Variants in UTP15 observed in about 807,000 individuals in gnomAD.
The protein encoded by UTP15 is U3 small nucleolar RNA-associated protein 15 homolog.
UTP15 carries 5 observed loss-of-function variants against 59.1 expected under a neutral mutation model. The observed-to-expected ratio is 0.08, with a 90% CI of 0.04 to 0.18. The LOEUF is 0.18. Ranked by LOEUF, UTP15 falls within the 10% of genes least tolerant of loss-of-function variation. The probability of loss-of-function intolerance (pLI) is 1.00; values close to 1 mark genes in which losing one functional copy is unlikely to be tolerated. For missense variants in UTP15, 494 were observed against 616.7 expected (o/e 0.80, Z 2.11); for synonymous variants, 211 against 212.2 (o/e 0.99, Z 0.05).
At chr5:73,576,595 T>C (rs1022700151) in intron 7 of UTP15, among the ~76,000 whole-genome samples, 1 of 151,894 alleles carries the variant, frequency 6.6e-6, no homozygotes, top group Non-Finnish European at 1.5e-5. Flanking sequence ...CTGCCTCAGC[T>C]TCCCAAGTAG....
intron 8 of UTP15, 42 bp from the exon 9 acceptor site, chr5:73,577,814 C>T (rs750118152): frequency 2.6e-5 from 40 of 1,510,672 alleles, no homozygotes; most frequent in South Asian, 6.2e-5. Context: ...CTATAAATTA[C>T]GAGTTAAGAA....
At chr5:73,579,624 G>A (rs1020672376) in intron 12 of UTP15, among the ~76,000 whole-genome samples, 1 of 152,010 alleles carries the variant, frequency 6.6e-6, no homozygotes, top group African/African-American at 2.4e-5. Flanking sequence ...TAATGACGAT[G>A]ACAATTTTTC....
At position 73,568,578 on chromosome 5, in the gene UTP15, C is replaced by T. The variant is rs112684902; in HGVS notation, c.342C>T (p.Pro114=). Residue 114 remains proline, a synonymous_variant, in exon 4 of 13, where the codon CCC becomes CCT. Transcript: ENST00000296792. ...VQLFDISGRA[P]LRQFEGHTKA... The stretch of plus-strand genomic sequence containing the variant: ...TTTTTGATATAAGTGGGAGGGCTCC[C>T]CTCAGGCAGTTTGAAGGCCATACAA... 6.2e-7 allele frequency: 1 copy of T among 1,613,470 alleles called. No homozygotes were observed. Among genetic ancestry groups the T allele is most frequent in the Non-Finnish European group, 8.5e-7 (1 of 1,179,790 alleles).
intron 7 of UTP15, 29 bp downstream of exon 7, chr5:73,572,653 T>G: frequency 6.2e-7 from 1 of 1,604,426 alleles, no homozygotes; most frequent in Admixed American, 1.7e-5. Context: ...TTGTATATTA[T>G]TATTAGTGTA....
rs1421002065 is a variant in UTP15 at position 73,570,691 on chromosome 5, G to T, written c.653G>T (p.Gly218Val). 1.2e-6 allele frequency: 2 copies of T among 1,614,154 alleles called. No individual in the cohort carries two copies. The highest frequency in any genetic ancestry group is 1.7e-6 in the Non-Finnish European group (2 of 1,180,016). Residue 218 changes from glycine to valine, a missense_variant, in exon 6 of 13, where the codon GGA becomes GTA. Coordinates refer to ENST00000296792, the MANE Select transcript of UTP15 (RefSeq NM_032175.4). The stretch of plus-strand genomic sequence containing the variant: ...GAGAGTGTCCTACTTTTCCCCTCTG[G>T]AGGTCTTCTGGTGTCAGCAGGTACT... ...PVESVLLFPSGGLLVSAGGRY... is the reference protein window; with the variant it reads ...PVESVLLFPSVGLLVSAGGRY...
rs1416083792 is a variant in UTP15 at position 73,579,332 on chromosome 5, A to C, written c.1296A>C (p.Pro432=). Residue 432 remains proline (P), a synonymous_variant, in exon 12 of 13, where the codon CCA becomes CCC. Coordinates refer to ENST00000296792, the MANE Select transcript of UTP15 (RefSeq NM_032175.4). ...LNFLIRNLSQ[P]RFAPVLINAA... is the part of the protein sequence containing the mutation. The stretch of plus-strand genomic sequence containing the variant: ...TACTTTGTAGGAATCTTTCTCAGCC[A>C]AGATTTGCCCCTGTTTTAATCAATG... 6.2e-6 allele frequency: 10 copies of C among 1,609,896 alleles called. No homozygotes were observed. The highest frequency in any genetic ancestry group is 8.5e-6 in the Non-Finnish European group (10 of 1,178,732).
At chr5:73,567,517 C>A in intron 2 of UTP15, 83 bp downstream of exon 2, 1 of 977,578 alleles carries the variant, frequency 1.0e-6, no homozygotes, top group Non-Finnish European at 1.5e-6. Context: ...GATGCTCTAA[C>A]AGAGAATTAT....
At chr5:73,575,068 A>G (rs892808130) in intron 7 of UTP15, among the ~76,000 whole-genome samples, 1 of 149,992 alleles carries the variant, frequency 6.7e-6, no homozygotes, top group African/African-American at 2.5e-5. Flanking sequence ...AAAATTCTGT[A>G]TTGTTTATAT....
chr5:73,568,461 C>G lies in UTP15; in HGVS notation c.225C>G (p.Thr75=). The G allele has an allele frequency of 6.2e-7, 1 of 1,613,272 alleles. No homozygotes were observed. Among genetic ancestry groups the G allele is most frequent in the Non-Finnish European group, 8.5e-7 (1 of 1,179,638 alleles). The change falls in exon 4 of 13, where the codon ACC becomes ACG. Residue 75 remains threonine, a synonymous_variant. Transcript: ENST00000296792. ...YGRYSQEPIK[T]FSRFKDTAYC... The stretch of plus-strand genomic sequence containing the variant: ...GATACTCCCAAGAACCTATAAAAAC[C>G]TTTTCTCGATTTAAAGACACAGCAT...
At chr5:73,570,816 C>CT in intron 6 of UTP15, 105 bp downstream of exon 6, 1 of 1,478,574 alleles carries the variant, frequency 6.8e-7, no homozygotes. Flanking sequence ...AATTGCATAT[C>CT]TAAGTCTTTG....
chr5:73,579,833 G>A (rs1748243911), intron 12 of UTP15, 44 bp from the exon 13 acceptor site: 1 of 1,371,828 alleles, frequency 7.3e-7, no homozygotes, highest in East Asian at 2.4e-5. Flanking sequence ...CTTAATGTAT[G>A]GAAAGATATT....
At position 73,565,766 on chromosome 5, in the gene UTP15, G is replaced by A. The variant is rs1207995273; in HGVS notation, c.-230G>A. On this transcript the variant is annotated 5_prime_UTR_variant, in exon 1 of 13. Coordinates refer to ENST00000296792, the MANE Select transcript of UTP15 (RefSeq NM_032175.4). ...GTACGTCATCTTCGCGCGACGTTCG[G>A]TTCGCTGTGTGTGTCGCCGGCTCCT... 1.1e-5 allele frequency: 5 copies of A among 456,290 alleles called. No homozygotes were observed. The highest frequency in any genetic ancestry group is 7.7e-5 in the South Asian group (5 of 64,570). 28.3% of individuals were successfully genotyped at this position (456,290 alleles called of 1,614,324 possible).
At chr5:73,572,362 G>C (rs1463027209) in intron 6 of UTP15, 127 bp from the exon 7 acceptor site, 4 of 1,223,746 alleles carry the variant, frequency 3.3e-6, no homozygotes, top group Non-Finnish European at 4.6e-6. Flanking sequence ...TTACCAGGCA[G>C]CCTGGCCTGG....
Position 73,580,003 on chromosome 5 carries a change from T to C in UTP15, c.1466T>C (p.Met489Thr). The C allele has an allele frequency of 6.2e-7, 1 of 1,613,930 alleles. No homozygotes were observed. Among genetic ancestry groups the C allele is most frequent in the Non-Finnish European group, 8.5e-7 (1 of 1,179,858 alleles). The change falls in exon 13 of 13, where the codon ATG becomes ACG. Residue 489 changes from methionine (M) to threonine (T), a missense_variant. Transcript: ENST00000296792. ...TTAGAAACCTTGGGGATGATGGATA[T>C]GCTTTTTGCCACCATGAGAAGGAAG... ...ELLETLGMMD[M>T]LFATMRRKEG...
In UTP15 at chr5:73,582,864, T is replaced by C. The variant is rs1196039917; in HGVS notation, c.*2770T>C. The C allele has an allele frequency of 6.6e-6, 1 of 152,246 alleles. No individual in the cohort carries two copies. The highest frequency in any genetic ancestry group is 1.5e-5 in the Non-Finnish European group (1 of 68,052). The allele number at this position is 152,246 out of a possible 1,614,324, so 9.4% of individuals were successfully genotyped here. A position where few individuals can be genotyped will look rare whatever the true frequency, so the allele number is the denominator to read the frequency against. ...AGGTATTTTAAAATGTTACTAAGTC[T>C]GCAAAAGTACTGAAATGTTTCAGAG... On this transcript the variant is annotated 3_prime_UTR_variant, in exon 13 of 13. Transcript: ENST00000296792.
intron 12 of UTP15, 21 bp from the exon 13 acceptor site, chr5:73,579,856 G>C: frequency 6.5e-7 from 1 of 1,531,760 alleles, no homozygotes; most frequent in Non-Finnish European, 8.8e-7. Context: ...TAGTTAATGT[G>C]TTTTCTTTCT....
chr5:73,566,940 G>C (rs574624259), intron 1 of UTP15, among the ~76,000 whole-genome samples: 1 of 152,242 alleles, frequency 6.6e-6, no homozygotes, highest in East Asian at 1.9e-4. Flanking sequence ...AATATTTCCT[G>C]TTGCCAAAAA....
rs1748377048 is a variant in UTP15, at chr5:73,583,333, C to G, written c.*3239C>G. 1 of 152,132 alleles carries G rather than the reference C, an allele frequency of 6.6e-6. No homozygotes were observed. Among genetic ancestry groups the G allele is most frequent in the South Asian group, 2.1e-4 (1 of 4,824 alleles). 9.4% of individuals were successfully genotyped at this position (152,132 alleles called of 1,614,324 possible). A position where few individuals can be genotyped will look rare whatever the true frequency, so the allele number is the denominator to read the frequency against. On this transcript the variant is annotated 3_prime_UTR_variant, in exon 13 of 13. Coordinates refer to ENST00000296792, the MANE Select transcript of UTP15 (RefSeq NM_032175.4). ...TGTAGAGAATGAACAAGAATGAAAC[C>G]TAAGTGCAAAGAAAATAAAGATTAT... is the stretch of plus-strand genomic sequence containing the variant.
At chr5:73,568,043 TA>T (rs1339419465) in intron 2 of UTP15, among the ~76,000 whole-genome samples, 191 bp from the exon 3 acceptor site, 3 of 152,222 alleles carry the variant, frequency 2.0e-5, no homozygotes. Context: ...ACCATATGTT[TA>T]TTTCAGTGGC....
Sources: gnomAD v4.1 joint callset for allele counts (sites outside exome capture counted in the v4.1 genomes callset) on GRCh38, gnomAD v4.1.1 for gene constraint, MANE v1.5 for transcripts, NCBI Gene and HGNC (gene_info 2026-07-23, HGNC 2026-07-21) for gene names.